Variants in LRP1B observed in about 807,000 individuals in gnomAD.
The protein encoded by LRP1B is low-density lipoprotein receptor-related protein 1B.
A neutral mutation model predicts 556.6 loss-of-function variants in LRP1B; 217 were observed. The ratio of observed to expected loss-of-function variants is 0.39; its 90% CI spans 0.35 to 0.44. LRP1B has a LOEUF of 0.44. LRP1B is among the 20% of genes least tolerant of loss of function. The pLI, the probability that LRP1B is intolerant of heterozygous loss-of-function variation, is 1.00. For synonymous variants in LRP1B, 2,047 were observed against 1,865.8 expected, an observed-to-expected ratio of 1.10 and a Z score of -2.50; for missense variants, 5,053 against 5,620.8, an observed-to-expected ratio of 0.90 and a Z score of 3.23.
chr2:140,273,088 C>T (rs1682534762), intron 85 of LRP1B, among the ~76,000 whole-genome samples: 1 of 151,816 alleles, frequency 6.6e-6, no homozygotes, highest in Admixed American at 6.6e-5. Flanking sequence ...ATGAGCTTTT[C>T]CAAGGTAAAA....
intron 2 of LRP1B, among the ~76,000 whole-genome samples, chr2:141,782,768 G>A (rs1695305081): frequency 6.6e-6 from 1 of 151,910 alleles, no homozygotes; most frequent in African/African-American, 2.4e-5. Flanking sequence ...TAAAGTAATT[G>A]CACTGTCAGC....
chr2:141,013,532 G>T, intron 14 of LRP1B, 24 bp downstream of exon 14: 2 of 1,549,972 alleles, frequency 1.3e-6, no homozygotes, highest in Non-Finnish European at 1.7e-6. Context: ...AATCTCAGAA[G>T]CATTTTAATT....
chr2:141,188,466 A>G lies in LRP1B; in HGVS notation c.968T>C (p.Leu323Pro). ...NGSVCVTLID[L>P]ELHNPKAIAV... is the part of the protein sequence containing the mutation. ...TATTGCTTTAGGATTGTGAAGCTCC[A>G]GATCAATCAGGGTGACACATACAGA... is the stretch of plus-strand genomic sequence containing the variant. Residue 323 changes from leucine to proline, a missense_variant, in exon 7 of 91, where the codon CTG (leucine) becomes CCG (proline). By Grantham distance (98) the Leu-to-Pro change is moderately conservative. Coordinates refer to ENST00000389484, the MANE Select transcript of LRP1B (RefSeq NM_018557.3). 6.2e-7 allele frequency: 1 copy of G among 1,612,732 alleles called. No homozygotes were observed. The highest frequency in any genetic ancestry group is 8.5e-7 in the Non-Finnish European group (1 of 1,179,158).
intron 1 of LRP1B, among the ~76,000 whole-genome samples, chr2:141,914,399 A>G (rs1478468551): frequency 6.6e-6 from 1 of 152,172 alleles, no homozygotes; most frequent in Admixed American, 6.6e-5. Context: ...AATATAACAC[A>G]GCCAAAGAAT....
intron 7 of LRP1B, among the ~76,000 whole-genome samples, chr2:141,137,593 T>G (rs1279501842): frequency 6.6e-6 from 1 of 151,986 alleles, no homozygotes; most frequent in African/African-American, 2.4e-5. Flanking sequence ...CTTATTATAT[T>G]TTGATAAATA....
chr2:141,639,219 C>T (rs184087435), intron 2 of LRP1B, among the ~76,000 whole-genome samples: 6 of 139,116 alleles, frequency 4.3e-5, no homozygotes. Context: ...GTGGTCTTTG[C>T]ATGGTCTCTT....
chr2:140,487,845 C>A (rs1034810756), intron 57 of LRP1B, 106 bp from the exon 58 acceptor site: 2 of 641,590 alleles, frequency 3.1e-6, no homozygotes, highest in Non-Finnish European at 5.0e-6. Flanking sequence ...CTAAATAGTT[C>A]TATTTATTAT....
chr2:140,815,979 CT>C (rs1235570760), intron 31 of LRP1B, among the ~76,000 whole-genome samples: 3 of 150,730 alleles, frequency 2.0e-5, no homozygotes, highest in Non-Finnish European at 4.4e-5. Flanking sequence ...ATTTTGCTGT[CT>C]AGCATGATGA....
At chr2:140,939,922 G>A (rs556093505) in intron 20 of LRP1B, among the ~76,000 whole-genome samples, 56 of 129,814 alleles carry the variant, frequency 4.3e-4, no homozygotes, top group African/African-American at 1.6e-3. Flanking sequence ...GTCTCAATCT[G>A]TCACCCAGGC....
At position 141,644,007 on chromosome 2, in the gene LRP1B, AGAGTGTGTGTGTGTGT is replaced by A. The variant is rs1458644715; in HGVS notation, c.206-163490_206-163475del. ...CAATAAATGTTTAGGGAGAATGTGGAGAGTGTGTGTGTGTGTGTGTGTGTGTGTGTGTGTGTGTGTG... is the reference window on the plus strand; with the variant it reads ...CAATAAATGTTTAGGGAGAATGTGGAGTGTGTGTGTGTGTGTGTGTGTGTG... On this transcript the variant is annotated intron_variant, in intron 2 of 90. Coordinates refer to ENST00000389484, the MANE Select transcript of LRP1B (RefSeq NM_018557.3). Among the ~76,000 whole-genome samples, 557 of 142,316 alleles carry A rather than the reference AGAGTGTGTGTGTGTGT, an allele frequency of 3.9e-3. 2 individuals carry two copies. Among genetic ancestry groups the A allele is most frequent in the Middle Eastern group, 0.029 (8 of 276 alleles). The allele number at this position is 142,316 out of a possible 152,430, so 93.4% of individuals were successfully genotyped here. A position where few individuals can be genotyped will look rare whatever the true frequency, so the allele number is the denominator to read the frequency against.
At chr2:141,606,732 G>A (rs900473) in intron 2 of LRP1B, among the ~76,000 whole-genome samples, 44,976 of 152,002 alleles carry the variant, frequency 0.3, 7,613 homozygotes, top group Non-Finnish European at 0.38. Context: ...GGAGAGAGGC[G>A]TCAGGTGAAA....
chr2:140,960,189 A>C (rs894965311), intron 18 of LRP1B, among the ~76,000 whole-genome samples: 1 of 151,688 alleles, frequency 6.6e-6, no homozygotes, highest in Non-Finnish European at 1.5e-5. Context: ...ATTTTTCATA[A>C]AAGGAAAGCA....
intron 20 of LRP1B, among the ~76,000 whole-genome samples, chr2:140,934,196 C>CA (rs897319399): frequency 1.0e-3 from 156 of 149,658 alleles, no homozygotes; most frequent in East Asian, 7.7e-3. Context: ...AGTAAATAGT[C>CA]AAAAAAAAAT....
Position 140,507,410 on chromosome 2 carries a change from T to C in LRP1B, c.8399-492A>G, listed in dbSNP as rs146510717. Among the ~76,000 whole-genome samples, 695 of 152,236 alleles carry C rather than the reference T, an allele frequency of 4.6e-3. 6 individuals are homozygous for C. The highest frequency in any genetic ancestry group is 0.016 in the African/African-American group (676 of 41,542). ...AGAAGGTTTAGAATGTTATTGTCTT[T>C]AAAAAAATAAAATAAAACTTTTTGG... is the stretch of plus-strand genomic sequence containing the variant. On this transcript the variant is annotated intron_variant, in intron 52 of 90. Transcript: ENST00000389484.
intron 7 of LRP1B, among the ~76,000 whole-genome samples, chr2:141,086,630 G>A (rs1253154826): frequency 1.2e-5 from 1 of 84,774 alleles, no homozygotes; most frequent in Non-Finnish European, 3.0e-5. Flanking sequence ...GTGTGTGTGT[G>A]TGTGTGTGTG....
At chr2:141,360,721 C>G (rs1404661177) in intron 3 of LRP1B, among the ~76,000 whole-genome samples, 10 of 152,186 alleles carry the variant, frequency 6.6e-5, no homozygotes, top group Admixed American at 6.5e-4. Flanking sequence ...GCAGGAGGAC[C>G]TGCAGCTGTC....
chr2:141,177,725 T>A (rs1318738673), intron 7 of LRP1B, among the ~76,000 whole-genome samples: 1 of 152,130 alleles, frequency 6.6e-6, no homozygotes, highest in Non-Finnish European at 1.5e-5. Flanking sequence ...TTCAGACTTT[T>A]CTAATAGTTC....
chr2:140,768,815 A>G (rs946242864), intron 35 of LRP1B, among the ~76,000 whole-genome samples: 3 of 151,980 alleles, frequency 2.0e-5, no homozygotes, highest in Non-Finnish European at 4.4e-5. Flanking sequence ...CGCTTGTATT[A>G]CAATAGAAAA....
At chr2:141,794,316 T>C (rs923163400) in intron 2 of LRP1B, among the ~76,000 whole-genome samples, 3 of 151,930 alleles carry the variant, frequency 2.0e-5, no homozygotes, top group East Asian at 3.9e-4. Context: ...GGCTTATTAT[T>C]ATATCAAGAC....
Sources: gnomAD v4.1 joint callset for allele counts (sites outside exome capture counted in the v4.1 genomes callset) on GRCh38, gnomAD v4.1.1 for gene constraint, MANE v1.5 for transcripts, NCBI Gene and HGNC (gene_info 2026-07-23, HGNC 2026-07-21) for gene names.